KCNAB1: variants seen among roughly 807,000 people sequenced by gnomAD.
KCNAB1 encodes the protein voltage-gated potassium channel subunit beta-1.
KCNAB1 carries 35 observed loss-of-function variants against 64.6 expected under a neutral mutation model. The observed-to-expected ratio is 0.54, with a 90% CI of 0.41 to 0.72. The LOEUF (loss-of-function observed/expected upper bound fraction) is 0.72, where lower values mean the gene tolerates loss of function less well. Among genes scored for constraint, KCNAB1 ranks in the 30% least tolerant of loss-of-function variants. The pLI is 0.00. For missense variants in KCNAB1, 401 were observed against 512.9 expected, an observed-to-expected ratio of 0.78 and a Z score of 2.11; for synonymous variants, 177 against 183.8, an observed-to-expected ratio of 0.96 and a Z score of 0.30.
Position 156,536,946 on chromosome 3 carries a change from A to AG in KCNAB1, c.*199_*200insG, listed in dbSNP as rs1719097435. 5.0e-6 allele frequency: 3 copies of AG among 595,030 alleles called. No homozygotes were observed. The highest frequency in any genetic ancestry group is 9.0e-6 in the Non-Finnish European group (3 of 334,868). The allele number at this position is 595,030 out of a possible 1,614,324, so 36.9% of individuals were successfully genotyped here. ...ACTCACAACCAAGAAAATCCATTCT[A>AG]TTTTCTTATCTTGGACTGGAGTCAC... On this transcript the variant is annotated 3_prime_UTR_variant, in exon 14 of 14. Coordinates refer to ENST00000490337, the MANE Select transcript of KCNAB1 (RefSeq NM_172160.3).
chr3:156,278,676 G>T (rs1302071799), intron 1 of KCNAB1, among the ~76,000 whole-genome samples: 1 of 152,040 alleles, frequency 6.6e-6, no homozygotes, highest in African/African-American at 2.4e-5. Flanking sequence ...TGCTGAAATT[G>T]TGAAATCATT....
At chr3:156,226,795 C>T (rs1305205331) in intron 1 of KCNAB1, among the ~76,000 whole-genome samples, 2 of 152,152 alleles carry the variant, frequency 1.3e-5, no homozygotes, top group African/African-American at 4.8e-5. Flanking sequence ...AGGAAACACC[C>T]CACAGCCAAG....
intron 8 of KCNAB1, among the ~76,000 whole-genome samples, chr3:156,510,368 CT>C (rs1260947152): frequency 6.6e-6 from 1 of 152,198 alleles, no homozygotes; most frequent in Non-Finnish European, 1.5e-5. Context: ...GTCCCATCAT[CT>C]TGACAAAAGT....
chr3:156,353,453 A>G (rs1024674719), intron 1 of KCNAB1, among the ~76,000 whole-genome samples: 2 of 152,214 alleles, frequency 1.3e-5, no homozygotes, highest in African/African-American at 4.8e-5. Context: ...TCAGTTGTCT[A>G]TTGCTGTGTA....
At chr3:156,516,822 C>T (rs543232807) in intron 11 of KCNAB1, among the ~76,000 whole-genome samples, 1 of 152,274 alleles carries the variant, frequency 6.6e-6, no homozygotes, top group African/African-American at 2.4e-5. Flanking sequence ...GTATGGTTGA[C>T]ACTTTTTATT....
chr3:156,361,054 A>G (rs954883751), intron 1 of KCNAB1, among the ~76,000 whole-genome samples: 1 of 152,176 alleles, frequency 6.6e-6, no homozygotes, highest in Non-Finnish European at 1.5e-5. Flanking sequence ...ATGTCTTCCC[A>G]GTACACTCAG....
At chr3:156,273,666 G>T (rs1363196344) in intron 1 of KCNAB1, 4 of 455,272 alleles carry the variant, frequency 8.8e-6, no homozygotes, top group Admixed American at 2.3e-5. Context: ...GCGATATGAA[G>T]TTAAAACCAG....
At chr3:156,461,779 C>T (rs1340841583) in intron 5 of KCNAB1, among the ~76,000 whole-genome samples, 1 of 152,188 alleles carries the variant, frequency 6.6e-6, no homozygotes, top group African/African-American at 2.4e-5. Flanking sequence ...AAATAGATCA[C>T]CATGCATTTT....
chr3:156,341,235 C>T (rs575880399), intron 1 of KCNAB1, among the ~76,000 whole-genome samples: 65 of 152,240 alleles, frequency 4.3e-4, no homozygotes, highest in Admixed American at 9.8e-4. Context: ...ATGGATAATT[C>T]GTAGCATCAA....
rs141051506 is a variant in KCNAB1 at position 156,317,076 on chromosome 3, A to T, written c.276-104540A>T. Among the ~76,000 whole-genome samples, 5 of 152,254 alleles carry T rather than the reference A, an allele frequency of 3.3e-5. No individual in the cohort carries two copies. In the East Asian group the frequency reaches 9.7e-4, roughly 29 times the overall value. On this transcript the variant is annotated intron_variant, in intron 1 of 13. Coordinates refer to ENST00000490337, the MANE Select transcript of KCNAB1 (RefSeq NM_172160.3). ...GATTCTTCTTATTATTATTCCCATT[A>T]ATATTTGGTGGTGTTTTTCAGTTTC...
At chr3:156,185,246 C>T (rs980962950) in intron 1 of KCNAB1, among the ~76,000 whole-genome samples, 1 of 152,152 alleles carries the variant, frequency 6.6e-6, no homozygotes, top group Non-Finnish European at 1.5e-5. Flanking sequence ...TCTATGGTTC[C>T]AGGCTCTGAT....
At chr3:156,431,075 A>G (rs1481571647) in intron 2 of KCNAB1, among the ~76,000 whole-genome samples, 2 of 152,150 alleles carry the variant, frequency 1.3e-5, no homozygotes, top group Non-Finnish European at 2.9e-5. Context: ...ATTTCAAAGT[A>G]AGGATGCAAT....
At chr3:156,468,471 A>G (rs1359120348) in intron 7 of KCNAB1, among the ~76,000 whole-genome samples, 2 of 152,036 alleles carry the variant, frequency 1.3e-5, no homozygotes, top group African/African-American at 2.4e-5. Context: ...TTTTAAGCAT[A>G]TGGGCTTTCA....
intron 13 of KCNAB1, among the ~76,000 whole-genome samples, chr3:156,532,098 A>T (rs1424704904): frequency 1.3e-5 from 2 of 152,192 alleles, no homozygotes; most frequent in Admixed American, 6.5e-5. Context: ...ATGTTTTAAG[A>T]GAAATGGGCT....
At chr3:156,379,151 G>A (rs992853325) in intron 1 of KCNAB1, among the ~76,000 whole-genome samples, 6 of 152,216 alleles carry the variant, frequency 3.9e-5, no homozygotes, top group African/African-American at 1.2e-4. Context: ...CTGAAGGCAG[G>A]TGACGATCCC....
At chr3:156,228,463 T>C (rs1298549120) in intron 1 of KCNAB1, among the ~76,000 whole-genome samples, 1 of 152,242 alleles carries the variant, frequency 6.6e-6, no homozygotes, top group Non-Finnish European at 1.5e-5. Context: ...GCATCTCATG[T>C]GTGGTCGAAA....
chr3:156,538,738 A>C (rs996390304), downstream of KCNAB1: 2 of 152,266 alleles, frequency 1.3e-5, no homozygotes, highest in Non-Finnish European at 2.9e-5. Context: ...TTGGCAGCTA[A>C]GCTGCACTGA....
intron 2 of KCNAB1, chr3:156,446,673 C>A (rs1338412840): frequency 2.0e-5 from 3 of 152,196 alleles, no homozygotes; most frequent in Non-Finnish European, 2.9e-5. Context: ...CCCTACACAT[C>A]CTTTTACACC....
At chr3:156,317,277 T>C (rs1458373290) in intron 1 of KCNAB1, among the ~76,000 whole-genome samples, 7 of 152,182 alleles carry the variant, frequency 4.6e-5, no homozygotes, top group Admixed American at 2.6e-4. Flanking sequence ...CATTTTCACA[T>C]TGCGTCTGGT....
Sources: allele counts gnomAD v4.1 joint callset (sites outside exome capture counted in the v4.1 genomes callset), GRCh38; gene constraint gnomAD v4.1.1; transcripts MANE v1.5; gene names NCBI Gene and HGNC (gene_info 2026-07-23, HGNC 2026-07-21).